The following RIOK2 variants were observed in gnomAD, a reference collection of about 807,000 sequenced individuals.
The protein encoded by RIOK2 is RIO kinase 2.
A neutral mutation model predicts 62.4 loss-of-function variants in RIOK2; 46 were observed. The observed-to-expected ratio is 0.74, with a 90% CI of 0.58 to 0.94. RIOK2 has a LOEUF of 0.94. Ranked by LOEUF, RIOK2 falls within the 40% of genes least tolerant of loss-of-function variation. The probability of loss-of-function intolerance (pLI) is 0.00; values close to 1 mark genes in which losing one functional copy is unlikely to be tolerated. For synonymous variants in RIOK2, 197 were observed against 216.0 expected, an observed-to-expected ratio of 0.91 and a Z score of 0.77; for missense variants, 574 against 658.0, an observed-to-expected ratio of 0.87 and a Z score of 1.40.
chr5:97,177,879 T>G, intron 2 of RIOK2, 31 bp from the exon 3 acceptor site: 1 of 1,369,500 alleles, frequency 7.3e-7, no homozygotes, highest in Non-Finnish European at 1.0e-6. Context: ...AAAGACCATA[T>G]TTCAGTTACA....
Position 97,165,144 on chromosome 5 carries a change from A to G in RIOK2, c.1401T>C (p.Asp467=). The part of the protein sequence containing the change: ...SLNREFRPFR[D]EENVGAMNQY... ...GATTCATAGCTCCCACATTTTCTTC[A>G]TCTCTAAAATTAAAAAACCCACAAT... is the stretch of plus-strand genomic sequence containing the variant. The change falls in exon 9 of 10, where the codon GAT becomes GAC. Residue 467 remains aspartate (D), a synonymous_variant. Transcript: ENST00000283109. The G allele has an allele frequency of 7.1e-7, 1 of 1,415,116 alleles. No individual in the cohort carries two copies. The allele number at this position is 1,415,116 out of a possible 1,614,324, so 87.7% of individuals were successfully genotyped here.
chr5:97,165,590 C>A (rs1297202231), intron 8 of RIOK2, among the ~76,000 whole-genome samples: 3 of 152,136 alleles, frequency 2.0e-5, no homozygotes, highest in Non-Finnish European at 2.9e-5. Flanking sequence ...AAATCTGCAA[C>A]CTAGAGACTA....
chr5:97,177,355 T>C, intron 3 of RIOK2, 64 bp from the exon 4 acceptor site: 1 of 1,357,456 alleles, frequency 7.4e-7, no homozygotes, highest in Non-Finnish European at 1.0e-6. Context: ...AAAACAATTC[T>C]AACTTTCTCT....
At chr5:97,170,889 C>T (rs1317291917) in intron 6 of RIOK2, among the ~76,000 whole-genome samples, 3 of 152,078 alleles carry the variant, frequency 2.0e-5, no homozygotes, top group Admixed American at 1.3e-4. Context: ...CGCAATGGCT[C>T]ACCCCTGTAA....
intron 2 of RIOK2, among the ~76,000 whole-genome samples, chr5:97,178,341 GCTCTTCATGCTCTTCTACAGTACCTA>G: frequency 2.7e-4 from 1 of 3,680 alleles, no homozygotes; most frequent in African/African-American, 7.1e-4. Context: ...GTACCTACAT[GCTCTTCATGCTCTTCTACAGTACCTA>G]CATGCTCTTC....
chr5:97,170,874 C>T (rs557455591), intron 6 of RIOK2, among the ~76,000 whole-genome samples: 1 of 152,122 alleles, frequency 6.6e-6, no homozygotes, highest in African/African-American at 2.4e-5. Context: ...CATGTAAGGG[C>T]CGGGCGCAAT....
intron 2 of RIOK2, chr5:97,178,807 C>CTTCTGCAGTACCTACATGCTA: frequency 1.9e-6 from 1 of 517,426 alleles, no homozygotes; most frequent in Admixed American, 3.4e-5. Context: ...TCTACGTGCT[C>CTTCTGCAGTACCTACATGCTA]TTCTGCAGTA....
chr5:97,178,207 T>C (rs1561520875), intron 2 of RIOK2, among the ~76,000 whole-genome samples: 1 of 152,256 alleles, frequency 6.6e-6, no homozygotes, highest in Non-Finnish European at 1.5e-5. Flanking sequence ...GGATCTGTGA[T>C]AGGTTGGAAA....
chr5:97,165,305 CCTA>C (rs1488962016), intron 8 of RIOK2, among the ~76,000 whole-genome samples, 158 bp from the exon 9 acceptor site: 1 of 152,148 alleles, frequency 6.6e-6, no homozygotes. Context: ...GATAAAACTA[CCTA>C]CTGTTAAGTT....
At position 97,176,364 on chromosome 5, in the gene RIOK2, CAG is replaced by C. The variant is rs557676455; in HGVS notation, c.498+750_498+751del. 1.5e-3 allele frequency among the ~76,000 whole-genome samples: 223 copies of C among 152,256 alleles called. 1 individual carries two copies. The highest frequency in any genetic ancestry group is 5.2e-3 in the African/African-American group (216 of 41,552). Reference sequence around the variant, plus strand: ...TTTTTACCATTTTTGTTTTTTGAGACAGAGTCTTGCTCTGTTGCCCAGGCTTG... The same window carrying C: ...TTTTTACCATTTTTGTTTTTTGAGACAGTCTTGCTCTGTTGCCCAGGCTTG... On this transcript the variant is annotated intron_variant, in intron 4 of 9. Coordinates refer to ENST00000283109, the MANE Select transcript of RIOK2 (RefSeq NM_018343.3).
chr5:97,165,025 T>C, intron 9 of RIOK2, 26 bp downstream of exon 9: 1 of 1,432,604 alleles, frequency 7.0e-7, no homozygotes, highest in Non-Finnish European at 9.7e-7. Context: ...TAATAAACAT[T>C]CAGTACATGT....
rs184627859 is a variant in RIOK2, at chr5:97,176,500, C to T, written c.498+616G>A. ...GGGATTACAGGTGGCCACCACCATCCCCGGCTAATTCTTGTATTTTTAGTA... is the reference window on the plus strand; with the variant it reads ...GGGATTACAGGTGGCCACCACCATCTCCGGCTAATTCTTGTATTTTTAGTA... On this transcript the variant is annotated intron_variant, in intron 4 of 9. Coordinates refer to ENST00000283109, the MANE Select transcript of RIOK2 (RefSeq NM_018343.3). Among the ~76,000 whole-genome samples, 290 of 152,226 alleles carry T rather than the reference C, an allele frequency of 1.9e-3. 1 individual carries two copies. The highest frequency in any genetic ancestry group is 6.8e-3 in the African/African-American group (284 of 41,536).
At chr5:97,177,923 A>T (rs112606258) in intron 2 of RIOK2, 75 bp from the exon 3 acceptor site, 20,117 of 872,528 alleles carry the variant, frequency 0.023, 287 homozygotes, top group Non-Finnish European at 0.03. Context: ...TCAAGTCATA[A>T]GAAAGATTTA....
intron 1 of RIOK2, among the ~76,000 whole-genome samples, chr5:97,180,120 G>GTATATGTATATA (rs1749341497): frequency 1.9e-4 from 6 of 32,140 alleles, no homozygotes; most frequent in African/African-American, 4.9e-4. Context: ...TTCTGCATGT[G>GTATATGTATATA]TATATGTATA....
In RIOK2 at chr5:97,177,058, T is replaced by A. The variant is rs1749186151; in HGVS notation, c.498+58A>T. On this transcript the variant is annotated intron_variant, in intron 4 of 9. Coordinates refer to ENST00000283109, the MANE Select transcript of RIOK2 (RefSeq NM_018343.3). ...CAGAATCACACTTGTCATTAAGGCC[T>A]TTGAGACACATGTATTATTTGGCTA... 46 of 1,451,682 alleles carry A rather than the reference T, an allele frequency of 3.2e-5. 1 individual carries two copies. In the South Asian group the frequency reaches 5.1e-4, roughly 16 times the overall value. The allele number at this position is 1,451,682 out of a possible 1,614,324, so 89.9% of individuals were successfully genotyped here.
In RIOK2 at chr5:97,171,199, T is replaced by A; in HGVS notation, c.779+7A>T. 1 of 1,457,370 alleles carries A rather than the reference T, an allele frequency of 6.9e-7. No homozygotes were observed. The highest frequency in any genetic ancestry group is 9.1e-7 in the Non-Finnish European group (1 of 1,100,928). The allele number at this position is 1,457,370 out of a possible 1,614,324, so 90.3% of individuals were successfully genotyped here. On this transcript the variant is annotated splice_region_variant and intron_variant, in intron 6 of 9. Coordinates refer to ENST00000283109, the MANE Select transcript of RIOK2 (RefSeq NM_018343.3). ...AAAATAAAAATAAAAAAATAGCAAG[T>A]ACGTACCACTCAGCATTGGGATGAG... is the stretch of plus-strand genomic sequence containing the variant.
intron 8 of RIOK2, chr5:97,166,282 T>C (rs1748839197): frequency 2.2e-6 from 1 of 455,178 alleles, no homozygotes; most frequent in African/African-American, 2.0e-5. Flanking sequence ...ATCCTGAGCC[T>C]CTGTCACCCC....
chr5:97,163,520 A>T (rs960243597), intron 9 of RIOK2, among the ~76,000 whole-genome samples: 2 of 152,228 alleles, frequency 1.3e-5, no homozygotes, highest in Non-Finnish European at 2.9e-5. Context: ...TCTGCTTTTT[A>T]GGTTAAAAGT....
chr5:97,163,245 T>C lies in RIOK2; in HGVS notation c.1495-20A>G. 6.2e-7 allele frequency: 1 copy of C among 1,603,148 alleles called. No homozygotes were observed. Among genetic ancestry groups the C allele is most frequent in the Non-Finnish European group, 8.5e-7 (1 of 1,171,658 alleles). ...CAGTTCCTGGAAAGATTTCATAAAT[T>C]AGTATTACTGATAATGAACCATTTC... is the stretch of plus-strand genomic sequence containing the variant. On this transcript the variant is annotated intron_variant, in intron 9 of 9. Coordinates refer to ENST00000283109, the MANE Select transcript of RIOK2 (RefSeq NM_018343.3).
Sources: gnomAD v4.1 joint callset for allele counts (sites outside exome capture counted in the v4.1 genomes callset) on GRCh38, gnomAD v4.1.1 for gene constraint, MANE v1.5 for transcripts, NCBI Gene and HGNC (gene_info 2026-07-23, HGNC 2026-07-21) for gene names.